PTPRN2: variants seen among roughly 807,000 people sequenced by gnomAD.
PTPRN2 encodes the protein protein tyrosine phosphatase receptor type N2.
In PTPRN2, 74 loss-of-function variants were observed where a neutral mutation model predicts 118.8. That is an observed-to-expected ratio of 0.62 (90% confidence interval 0.52 to 0.76). PTPRN2 has a LOEUF of 0.76. Ranked by LOEUF, PTPRN2 falls within the 30% of genes least tolerant of loss-of-function variation. The pLI is 0.00. For missense variants in PTPRN2, 1,481 were observed against 1,394.4 expected (o/e 1.06, Z -0.99); for synonymous variants, 641 against 608.0 (o/e 1.05, Z -0.80).
intron 3 of PTPRN2, among the ~76,000 whole-genome samples, chr7:158,300,603 T>C (rs1406458289): frequency 2.0e-3 from 7 of 3,426 alleles, no homozygotes; most frequent in Non-Finnish European, 4.5e-3. Flanking sequence ...CCCCCACGTG[T>C]CTGTCTGTGC....
intron 12 of PTPRN2, among the ~76,000 whole-genome samples, chr7:157,782,658 G>A (rs1252793990): frequency 1.3e-5 from 2 of 152,200 alleles, no homozygotes; most frequent in African/African-American, 4.8e-5. Flanking sequence ...AGAACGACGA[G>A]TGTCGGTACT....
chr7:158,433,775 T>C (rs1816388783), intron 2 of PTPRN2, among the ~76,000 whole-genome samples: 1 of 152,222 alleles, frequency 6.6e-6, no homozygotes, highest in Non-Finnish European at 1.5e-5. Context: ...TAGACATATG[T>C]CATTTTCACC....
chr7:158,538,146 G>A (rs749947396), intron 1 of PTPRN2, among the ~76,000 whole-genome samples: 10 of 152,228 alleles, frequency 6.6e-5, no homozygotes, highest in African/African-American at 1.4e-4. Flanking sequence ...AGCACAGCTC[G>A]TGCACCTTTA....
chr7:158,477,719 A>G lies in PTPRN2; in HGVS notation c.163+12016T>C, dbSNP rs926181812. 3.9e-5 allele frequency among the ~76,000 whole-genome samples: 6 copies of G among 152,338 alleles called. No homozygotes were observed. In the East Asian group the frequency reaches 5.8e-4, roughly 15 times the overall value. On this transcript the variant is annotated intron_variant, in intron 2 of 22. Transcript: ENST00000389418. Reference sequence around the variant, plus strand: ...CACCCCAATAGTGTATGCTTCCTGTAAGTTCAAGAAATCCATGTCTATTTC... The same window carrying G: ...CACCCCAATAGTGTATGCTTCCTGTGAGTTCAAGAAATCCATGTCTATTTC...
intron 2 of PTPRN2, among the ~76,000 whole-genome samples, chr7:158,378,438 C>A (rs764169456): frequency 6.6e-6 from 1 of 152,152 alleles, no homozygotes; most frequent in African/African-American, 2.4e-5. Context: ...AAGGGGGAAC[C>A]GCAGGTCCCA....
chr7:158,094,901 C>CCTG (rs1585418528), intron 10 of PTPRN2, among the ~76,000 whole-genome samples: 1 of 152,242 alleles, frequency 6.6e-6, no homozygotes, highest in East Asian at 1.9e-4. Flanking sequence ...GGTTTTGTTT[C>CCTG]TTGTTTTACT....
At chr7:157,915,288 C>T (rs571799146) in intron 11 of PTPRN2, among the ~76,000 whole-genome samples, 16 of 152,298 alleles carry the variant, frequency 1.1e-4, no homozygotes, top group African/African-American at 3.4e-4. Context: ...CTGCCTTTCC[C>T]TCTGCCAGGC....
chr7:158,538,062 G>C (rs1825751245), intron 1 of PTPRN2, among the ~76,000 whole-genome samples: 1 of 152,232 alleles, frequency 6.6e-6, no homozygotes, highest in Non-Finnish European at 1.5e-5. Context: ...GGCTTTCCAA[G>C]CACGGAAGGA....
At chr7:158,195,210 G>A (rs982312969) in intron 4 of PTPRN2, among the ~76,000 whole-genome samples, 2 of 152,120 alleles carry the variant, frequency 1.3e-5, no homozygotes, top group African/African-American at 4.8e-5. Flanking sequence ...TACTTCCATG[G>A]GATATGGAAT....
chr7:157,675,441 G>A (rs116068424), intron 13 of PTPRN2, among the ~76,000 whole-genome samples: 1,887 of 152,306 alleles, frequency 0.012, 37 homozygotes, highest in African/African-American at 0.043. Flanking sequence ...CGCCTTCTCC[G>A]AACACCTTCC....
chr7:158,024,175 C>A (rs181540527), intron 11 of PTPRN2, among the ~76,000 whole-genome samples: 48 of 152,282 alleles, frequency 3.2e-4, no homozygotes, highest in African/African-American at 1.1e-3. Context: ...ATGTTGTGAA[C>A]ATGCCCAGTG....
chr7:157,693,535 C>G (rs1797622842), intron 12 of PTPRN2, among the ~76,000 whole-genome samples: 1 of 152,074 alleles, frequency 6.6e-6, no homozygotes, highest in South Asian at 2.1e-4. Context: ...CTTGGGGCAC[C>G]GGGGAGTGGG....
chr7:157,938,740 T>C (rs1799871603), intron 11 of PTPRN2, among the ~76,000 whole-genome samples: 1 of 152,242 alleles, frequency 6.6e-6, no homozygotes, highest in African/African-American at 2.4e-5. Flanking sequence ...ACATTGTCCT[T>C]GTAGTACACT....
At chr7:158,029,196 C>T (rs1807503128) in intron 11 of PTPRN2, 1 of 129,202 alleles carries the variant, frequency 7.7e-6, no homozygotes, top group Non-Finnish European at 1.7e-5. Flanking sequence ...TCGCCGGGGG[C>T]ACGGGGTCCG....
rs562965631 is a variant in PTPRN2, at chr7:158,150,152, C to T, written c.911-11637G>A. Among the ~76,000 whole-genome samples the T allele has an allele frequency of 3.5e-4, 53 of 152,344 alleles. 2 individuals are homozygous for T. Among genetic ancestry groups the T allele is most frequent in the Admixed American group, 3.3e-3 (51 of 15,304 alleles). On this transcript the variant is annotated intron_variant, in intron 6 of 22. Transcript: ENST00000389418. The stretch of plus-strand genomic sequence containing the variant: ...GCTTGGCCGGCAACAATGCTGTTCC[C>T]TGCAGGCTCCTGTTGCCTCAAGCGG...
At chr7:157,637,811 C>A (rs1804413377) in intron 14 of PTPRN2, among the ~76,000 whole-genome samples, 1 of 152,206 alleles carries the variant, frequency 6.6e-6, no homozygotes, top group South Asian at 2.1e-4. Flanking sequence ...AGTAGCAGGT[C>A]TTTTCTTAGC....
chr7:158,171,060 T>C (rs1489068287), intron 5 of PTPRN2, among the ~76,000 whole-genome samples: 3 of 50,226 alleles, frequency 6.0e-5, no homozygotes, highest in African/African-American at 3.4e-4. Flanking sequence ...TATACACATA[T>C]ATACACATTA....
chr7:157,558,088 A>G (rs1563211352), intron 21 of PTPRN2, among the ~76,000 whole-genome samples: 1 of 151,228 alleles, frequency 6.6e-6, no homozygotes, highest in Non-Finnish European at 1.5e-5. Flanking sequence ...TCACAATTCA[A>G]GGGGGGATTG....
intron 2 of PTPRN2, among the ~76,000 whole-genome samples, chr7:158,442,141 AGTG>A (rs755285871): frequency 1.5e-5 from 2 of 136,590 alleles, no homozygotes; most frequent in Non-Finnish European, 3.2e-5. Flanking sequence ...TGGTGGTGGC[AGTG>A]GTGGTGATGG....
Sources: allele counts gnomAD v4.1 joint callset (sites outside exome capture counted in the v4.1 genomes callset), GRCh38; gene constraint gnomAD v4.1.1; transcripts MANE v1.5; gene names NCBI Gene and HGNC (gene_info 2026-07-23, HGNC 2026-07-21).